The following CHLSN variants were observed in gnomAD, a reference collection of about 807,000 sequenced individuals.
CHLSN encodes protein cholesin.
the CHLSN span, among the ~76,000 whole-genome samples, chr7:992,730 C>T: frequency 6.6e-6 from 1 of 152,234 alleles, no homozygotes; most frequent in African/African-American, 2.4e-5. Context: ...CGGGGGTCTT[C>T]TTCCCACCTT....
chr7:1,114,232 C>G, the CHLSN span, among the ~76,000 whole-genome samples: 5 of 152,210 alleles, frequency 3.3e-5, no homozygotes, highest in African/African-American at 1.2e-4. Context: ...CAAAGTGCAA[C>G]CACTGGGCCT....
At chr7:1,058,297 C>T in the CHLSN span, 1,871 of 774,538 alleles carry the variant, frequency 2.4e-3, 11 homozygotes, top group Middle Eastern at 0.022. Flanking sequence ...GTCATCATCT[C>T]GCGAGGGAAG....
chr7:1,051,351 C>G, the CHLSN span, among the ~76,000 whole-genome samples: 1 of 152,282 alleles, frequency 6.6e-6, no homozygotes, highest in Non-Finnish European at 1.5e-5. Flanking sequence ...CTGGGAGACC[C>G]TGAGCCAGGC....
At chr7:1,027,994 C>T in the CHLSN span, among the ~76,000 whole-genome samples, 1 of 150,072 alleles carries the variant, frequency 6.7e-6, no homozygotes. Flanking sequence ...CACCCGCGGC[C>T]CGGCCCTGCG....
At chr7:1,007,971 C>T in the CHLSN span, among the ~76,000 whole-genome samples, 26 of 152,230 alleles carry the variant, frequency 1.7e-4, no homozygotes, top group African/African-American at 4.8e-4. Flanking sequence ...CTCCTGCCCA[C>T]GTCCCCAACG....
the CHLSN span, among the ~76,000 whole-genome samples, chr7:1,004,389 G>A: frequency 2.0e-5 from 3 of 152,162 alleles, no homozygotes; most frequent in South Asian, 2.1e-4. Flanking sequence ...CCCACTTCAC[G>A]GGTGTTCCCA....
chr7:1,096,719 G>A, the CHLSN span, among the ~76,000 whole-genome samples: 1 of 152,208 alleles, frequency 6.6e-6, no homozygotes, highest in African/African-American at 2.4e-5. This position sits in a 1 kb window ranked among gnomAD's most constrained non-coding sequence, Gnocchi z 4.6. Flanking sequence ...AGCACTGAAC[G>A]TGACCTCCTC....
chr7:1,127,280 T>A, the CHLSN span: 5 of 1,600,112 alleles, frequency 3.1e-6, no homozygotes, highest in African/African-American at 6.8e-5. Flanking sequence ...CCTTCGCCAC[T>A]TGGTGCAGCC....
chr7:1,059,803 G>T, the CHLSN span, among the ~76,000 whole-genome samples: 1 of 46,212 alleles, frequency 2.2e-5, no homozygotes, highest in African/African-American at 8.9e-5. Context: ...AGGCAGGCCC[G>T]TAGTGGGGCG....
At chr7:1,049,572 C>T in the CHLSN span, among the ~76,000 whole-genome samples, 3 of 152,144 alleles carry the variant, frequency 2.0e-5, no homozygotes, top group South Asian at 2.1e-4. Flanking sequence ...AGACGGAGGG[C>T]GAGGGAGTTT....
At chr7:1,000,361 ACGTGCCTGCC>A in the CHLSN span, 1 of 891,004 alleles carries the variant, frequency 1.1e-6, no homozygotes, top group African/African-American at 1.9e-5. Flanking sequence ...CCCCCGGGAG[ACGTGCCTGCC>A]CCGCCGTGCA....
At chr7:1,088,586 C>T in the CHLSN span, among the ~76,000 whole-genome samples, 1 of 152,200 alleles carries the variant, frequency 6.6e-6, no homozygotes, top group African/African-American at 2.4e-5. This position sits in a 1 kb window ranked among gnomAD's most constrained non-coding sequence, Gnocchi z 4.5. Context: ...AGTATTCCGT[C>T]ACGTTCTGTC....
chr7:1,068,441 G>C, the CHLSN span, among the ~76,000 whole-genome samples: 1 of 152,164 alleles, frequency 6.6e-6, no homozygotes, highest in Admixed American at 6.5e-5. Context: ...ACAGCGCTGA[G>C]TTGGACGCTG....
the CHLSN span, among the ~76,000 whole-genome samples, chr7:1,075,651 C>T: frequency 1.4e-5 from 2 of 146,348 alleles, no homozygotes; most frequent in Non-Finnish European, 3.0e-5. Flanking sequence ...CTTGCTCTGT[C>T]ACCCAGGCTG....
At chr7:1,114,861 C>A in the CHLSN span, among the ~76,000 whole-genome samples, 1 of 152,238 alleles carries the variant, frequency 6.6e-6, no homozygotes, top group African/African-American at 2.4e-5. Flanking sequence ...AGGAGAGCTG[C>A]CCCTGCCCCG....
chr7:1,020,432 C>T, the CHLSN span, among the ~76,000 whole-genome samples: 1 of 152,158 alleles, frequency 6.6e-6, no homozygotes, highest in Non-Finnish European at 1.5e-5. Flanking sequence ...GTTCGCTTCT[C>T]GCCAGCCGCT....
chr7:1,048,207 A>G, the CHLSN span, among the ~76,000 whole-genome samples: 1 of 152,216 alleles, frequency 6.6e-6, no homozygotes, highest in Non-Finnish European at 1.5e-5. Context: ...ACAGTGTGAA[A>G]GAGAGCACCC....
At chr7:1,032,738 A>G in the CHLSN span, among the ~76,000 whole-genome samples, 1 of 152,240 alleles carries the variant, frequency 6.6e-6, no homozygotes, top group Admixed American at 6.5e-5. Flanking sequence ...CAGTCTGTCC[A>G]TGACAGGCAG....
the CHLSN span, chr7:988,198 C>T: frequency 1.4e-6 from 2 of 1,469,614 alleles, no homozygotes; most frequent in Non-Finnish European, 9.1e-7. Context: ...GAGCTACATC[C>T]TGGAATGAAA....
Sources: allele counts gnomAD v4.1 joint callset (sites outside exome capture counted in the v4.1 genomes callset), GRCh38; gene constraint gnomAD v4.1.1; non-coding constraint Gnocchi (gnomAD v3.1); transcripts MANE v1.5; gene names NCBI Gene and HGNC (gene_info 2026-07-23, HGNC 2026-07-21).